The following PSPC1 variants were observed in gnomAD, a reference collection of about 807,000 sequenced individuals.
PSPC1 encodes the protein paraspeckle protein 1.
In PSPC1, 14 loss-of-function variants were observed where a neutral mutation model predicts 51.6. The observed-to-expected ratio is 0.27, with a 90% confidence interval of 0.18 to 0.42. PSPC1 has a LOEUF of 0.42. PSPC1 is among the 10% of genes least tolerant of loss of function. The pLI is 1.00. For synonymous variants in PSPC1, 193 were observed against 231.9 expected (o/e 0.83, Z 1.53); for missense variants, 406 against 701.1 (o/e 0.58, Z 4.75).
intron 6 of PSPC1, among the ~76,000 whole-genome samples, chr13:19,687,660 C>G (rs1416887681): frequency 2.1e-4 from 1 of 4,782 alleles, no homozygotes; most frequent in Non-Finnish European, 1.5e-3. Flanking sequence ...TTCTTTCTTC[C>G]ACATAAATCC....
intron 6 of PSPC1, among the ~76,000 whole-genome samples, chr13:19,679,988 T>C (rs902342678): frequency 6.6e-6 from 1 of 152,222 alleles, no homozygotes; most frequent in Non-Finnish European, 1.5e-5. Context: ...GTTTTAGTTG[T>C]CAATATTTAA....
chr13:19,728,807 A>G (rs1883686433), intron 6 of PSPC1, among the ~76,000 whole-genome samples: 1 of 152,168 alleles, frequency 6.6e-6, no homozygotes, highest in Admixed American at 6.5e-5. Flanking sequence ...ATCATACCTC[A>G]TTTACATACT....
downstream of PSPC1, chr13:19,671,321 T>C (rs1381957395): frequency 6.4e-7 from 1 of 1,560,766 alleles, no homozygotes; most frequent in Middle Eastern, 1.7e-4. Flanking sequence ...TTAGTGTCAC[T>C]ACTCAAGTTG....
chr13:19,687,956 T>C lies in PSPC1; in HGVS notation c.1159-10133A>G, dbSNP rs188382418. The stretch of plus-strand genomic sequence containing the variant: ...GGGTTCCTACCAGCTTTCTACACAG[T>C]ATCAACTGTCAGCCTTTGCTCACGG... On this transcript the variant is annotated intron_variant and NMD_transcript_variant, in intron 6 of 7. Coordinates refer to the PSPC1 transcript ENST00000471658. 2.0e-5 allele frequency among the ~76,000 whole-genome samples: 3 copies of C among 152,178 alleles called. No individual in the cohort carries two copies. The East Asian group carries it at 5.8e-4, about 29-fold the overall frequency.
chr13:19,730,965 C>CAAAAAAAAA, intron 5 of PSPC1, among the ~76,000 whole-genome samples: 1 of 37,350 alleles, frequency 2.7e-5, no homozygotes, highest in African/African-American at 6.8e-5. Flanking sequence ...AACAAAAAAA[C>CAAAAAAAAA]AAAAAAAAAA....
At chr13:19,676,622 C>G (rs1038956869) in intron 7 of PSPC1, among the ~76,000 whole-genome samples, 6 of 152,204 alleles carry the variant, frequency 3.9e-5, no homozygotes, top group African/African-American at 1.4e-4. Flanking sequence ...TTGCAGGACT[C>G]TGTGTCCTGT....
At chr13:19,766,312 G>A (rs769123613) in intron 2 of PSPC1, among the ~76,000 whole-genome samples, 1 of 152,174 alleles carries the variant, frequency 6.6e-6, no homozygotes, top group Non-Finnish European at 1.5e-5. Flanking sequence ...GGCAGAGGTT[G>A]CAGTGAGCCA....
chr13:19,698,446 GAATA>G (rs1565969588), downstream of PSPC1, among the ~76,000 whole-genome samples: 1 of 151,802 alleles, frequency 6.6e-6, no homozygotes, highest in East Asian at 1.9e-4. Flanking sequence ...CGTATTTAAT[GAATA>G]ATTTGTCTTA....
At position 19,741,555 on chromosome 13, in the gene PSPC1, C is replaced by T; in HGVS notation, c.1052+10G>A. ...TACAATTCATGTTTCTTAAAATGATCTTCTTTTACCTTAGTTGTATTTGCT... is the reference window on the plus strand; with the variant it reads ...TACAATTCATGTTTCTTAAAATGATTTTCTTTTACCTTAGTTGTATTTGCT... On this transcript the variant is annotated intron_variant, in intron 5 of 8. Transcript: ENST00000338910. 2.0e-6 allele frequency: 3 copies of T among 1,532,534 alleles called. No individual in the cohort carries two copies. The highest frequency in any genetic ancestry group is 2.7e-6 in the Non-Finnish European group (3 of 1,119,344). The allele number at this position is 1,532,534 out of a possible 1,614,324, so 94.9% of individuals were successfully genotyped here.
chr13:19,727,830 A>G (rs1457442115), intron 6 of PSPC1, among the ~76,000 whole-genome samples: 1 of 152,246 alleles, frequency 6.6e-6, no homozygotes, highest in Non-Finnish European at 1.5e-5. Context: ...TCCACTTAGT[A>G]AATACTGCCT....
chr13:19,730,488 C>A lies in PSPC1; in HGVS notation c.1053-144G>T, dbSNP rs368429025. ...ACTGACCACGGCATCCTAAATTTAC[C>A]TTCCTTCTATGTCACTCCAAGCCTT... On this transcript the variant is annotated intron_variant, in intron 5 of 8. Transcript: ENST00000338910. 3.2e-5 allele frequency: 22 copies of A among 684,840 alleles called. No homozygotes were observed. The African/African-American group carries it at 3.5e-4, about 11-fold the overall frequency. The allele number at this position is 684,840 out of a possible 1,614,324, so 42.4% of individuals were successfully genotyped here. A position where few individuals can be genotyped will look rare whatever the true frequency, so the allele number is the denominator to read the frequency against.
chr13:19,691,115 A>G (rs1414456646), intron 6 of PSPC1, among the ~76,000 whole-genome samples: 1 of 152,208 alleles, frequency 6.6e-6, no homozygotes, highest in East Asian at 1.9e-4. Context: ...TGGTACTAAA[A>G]ACTCTACTCC....
chr13:19,781,188 T>G (rs1370802552), intron 1 of PSPC1, among the ~76,000 whole-genome samples: 1 of 151,630 alleles, frequency 6.6e-6, no homozygotes, highest in Admixed American at 6.6e-5. Context: ...CAATTTTTGT[T>G]TTGTTTTGAG....
intron 6 of PSPC1, among the ~76,000 whole-genome samples, chr13:19,715,715 G>GA (rs1259897428): frequency 6.6e-6 from 1 of 152,104 alleles, no homozygotes; most frequent in East Asian, 1.9e-4. Context: ...GTCACACAGT[G>GA]AGACACTGTC....
chr13:19,695,083 T>G (rs569696410), intron 6 of PSPC1, among the ~76,000 whole-genome samples: 1 of 152,288 alleles, frequency 6.6e-6, no homozygotes, highest in African/African-American at 2.4e-5. Context: ...GCTAAATTAT[T>G]TAACATGTGT....
At chr13:19,763,547 G>A (rs1887781228) in intron 2 of PSPC1, among the ~76,000 whole-genome samples, 1 of 152,192 alleles carries the variant, frequency 6.6e-6, no homozygotes. Flanking sequence ...GTTATGAGCT[G>A]CATAGCCTTT....
chr13:19,739,087 AACT>A (rs1472571873), intron 5 of PSPC1, among the ~76,000 whole-genome samples: 1 of 152,172 alleles, frequency 6.6e-6, no homozygotes, highest in Non-Finnish European at 1.5e-5. Context: ...GTGGTTTCAG[AACT>A]ACTAGCCCAT....
At chr13:19,729,254 C>T (rs892718576) in intron 6 of PSPC1, among the ~76,000 whole-genome samples, 13 of 151,998 alleles carry the variant, frequency 8.6e-5, no homozygotes, top group Non-Finnish European at 1.3e-4. Flanking sequence ...TTAGAAATGT[C>T]GGCTGGGCAT....
intron 3 of PSPC1, among the ~76,000 whole-genome samples, chr13:19,758,598 C>T (rs760501973): frequency 6.6e-6 from 1 of 151,658 alleles, no homozygotes. Flanking sequence ...TTTGGGAGGC[C>T]TAGGCGGGTA....
Sources: gnomAD v4.1 joint callset for allele counts (sites outside exome capture counted in the v4.1 genomes callset) on GRCh38, gnomAD v4.1.1 for gene constraint, MANE v1.5 for transcripts, NCBI Gene and HGNC (gene_info 2026-07-23, HGNC 2026-07-21) for gene names.